Variants in GRM5 observed in about 807,000 individuals in gnomAD.
GRM5 encodes the protein metabotropic glutamate receptor 5.
In GRM5, 19 loss-of-function variants were observed where a neutral mutation model predicts 83.1. That is an observed-to-expected ratio of 0.23 (90% CI 0.16 to 0.34). GRM5 has a LOEUF of 0.34. Among genes scored for constraint, GRM5 ranks in the 10% least tolerant of loss-of-function variants. The probability of loss-of-function intolerance (pLI) is 1.00; values close to 1 mark genes in which losing one functional copy is unlikely to be tolerated. For missense variants in GRM5, 1,160 were observed against 1,588.3 expected (o/e 0.73, Z 4.58); for synonymous variants, 675 against 633.6 (o/e 1.07, Z -0.98).
At chr11:88,767,114 G>A (rs1942638670) in intron 3 of GRM5, among the ~76,000 whole-genome samples, 1 of 151,886 alleles carries the variant, frequency 6.6e-6, no homozygotes, top group Admixed American at 6.6e-5. Flanking sequence ...CTCCCAGTAT[G>A]CTGGGATTAG....
In GRM5 at chr11:88,909,468, CT is replaced by C. The variant is rs386374432; in HGVS notation, c.662-59314del. 9.5e-4 allele frequency among the ~76,000 whole-genome samples: 131 copies of C among 138,412 alleles called. 1 individual carries two copies. Among genetic ancestry groups the C allele is most frequent in the African/African-American group, 2.2e-3 (82 of 37,258 alleles). The allele number at this position is 138,412 out of a possible 152,430, so 90.8% of individuals were successfully genotyped here. ...CCTTTTTTTTCTGAATTTTTGTCTA[CT>C]TTTTTTTTTTTCACTCTGAATCTCA... On this transcript the variant is annotated intron_variant, in intron 2 of 9. Transcript: ENST00000305447.
chr11:88,598,772 A>C (rs900399557), intron 5 of GRM5, among the ~76,000 whole-genome samples: 1 of 152,194 alleles, frequency 6.6e-6, no homozygotes, highest in Non-Finnish European at 1.5e-5. Flanking sequence ...GGATGGGAGA[A>C]AGAGAAATGT....
intron 3 of GRM5, among the ~76,000 whole-genome samples, chr11:88,786,509 A>G (rs1022710967): frequency 1.3e-5 from 2 of 152,094 alleles, no homozygotes; most frequent in African/African-American, 4.8e-5. Context: ...CTTTCAACTC[A>G]TCTCAGCCAA....
intron 2 of GRM5, among the ~76,000 whole-genome samples, chr11:88,951,569 T>C (rs1279486823): frequency 1.3e-5 from 2 of 152,216 alleles, no homozygotes; most frequent in Non-Finnish European, 2.9e-5. Context: ...GACAGTTCAA[T>C]AGAGAAAGAG....
At chr11:88,893,235 C>T (rs762642825) in intron 2 of GRM5, among the ~76,000 whole-genome samples, 4 of 151,716 alleles carry the variant, frequency 2.6e-5, no homozygotes, top group African/African-American at 9.7e-5. Flanking sequence ...ATGTCACACC[C>T]TGGCTATATA....
intron 4 of GRM5, among the ~76,000 whole-genome samples, chr11:88,614,160 C>T (rs1370430900): frequency 1.3e-5 from 2 of 152,088 alleles, no homozygotes; most frequent in African/African-American, 4.8e-5. Flanking sequence ...TTATTTTTCT[C>T]TCTTTTGAAC....
chr11:88,983,952 A>C (rs970026425), intron 2 of GRM5, among the ~76,000 whole-genome samples: 40 of 152,140 alleles, frequency 2.6e-4, no homozygotes, highest in Non-Finnish European at 5.9e-5. Flanking sequence ...AAAAACTTTT[A>C]AAAATATTAA....
chr11:88,902,536 C>T (rs952970184), intron 2 of GRM5, among the ~76,000 whole-genome samples: 2 of 152,066 alleles, frequency 1.3e-5, no homozygotes, highest in Non-Finnish European at 2.9e-5. Context: ...TTTATTGGTG[C>T]TAGACCCATT....
At chr11:88,554,799 T>C (rs1258368847) in intron 8 of GRM5, among the ~76,000 whole-genome samples, 2 of 152,134 alleles carry the variant, frequency 1.3e-5, no homozygotes, top group Non-Finnish European at 2.9e-5. Flanking sequence ...TTTCACATAA[T>C]CTCTGAGACT....
rs143357987 is a variant in GRM5, at chr11:89,047,618, G to T, written c.255C>A (p.Leu85=). The T allele has an allele frequency of 1.9e-6, 3 of 1,614,090 alleles. No individual in the cohort carries two copies. The African/African-American group carries it at 4.0e-5, about 22-fold the overall frequency. Residue 85 remains leucine, a synonymous_variant, in exon 2 of 10, where the codon CTC becomes CTA. Coordinates refer to ENST00000305447, the MANE Select transcript of GRM5 (RefSeq NM_001143831.3). The surrounding 1 kb of genome is among the most constrained non-coding windows in gnomAD (Gnocchi z 5.1). ...CACAGCCCAGTGTGATGTTGGGCAA[G>T]AGTGTGGGGTCTGAATTGATCCTTT... ...TLERINSDPT[L]LPNITLGCEI...
At chr11:89,013,374 T>G (rs1402278943) in intron 2 of GRM5, among the ~76,000 whole-genome samples, 1 of 152,206 alleles carries the variant, frequency 6.6e-6, no homozygotes, top group Non-Finnish European at 1.5e-5. Flanking sequence ...CTTTTTCATT[T>G]TATAGCTTTA....
At chr11:88,848,570 T>TA in intron 3 of GRM5, among the ~76,000 whole-genome samples, 1 of 152,282 alleles carries the variant, frequency 6.6e-6, no homozygotes, top group South Asian at 2.1e-4. Flanking sequence ...TACGTGTTAA[T>TA]AAAAAGATAT....
At chr11:89,044,218 A>G (rs930523922) in intron 2 of GRM5, among the ~76,000 whole-genome samples, 3 of 152,178 alleles carry the variant, frequency 2.0e-5, no homozygotes, top group African/African-American at 4.8e-5. Flanking sequence ...GAGTCATTGC[A>G]TATTCCTTTC....
intron 3 of GRM5, among the ~76,000 whole-genome samples, chr11:88,790,604 T>G (rs1222507941): frequency 6.6e-6 from 1 of 152,104 alleles, no homozygotes; most frequent in African/African-American, 2.4e-5. Flanking sequence ...AGGCTCGATG[T>G]ATGTGACAGA....
intron 2 of GRM5, among the ~76,000 whole-genome samples, chr11:88,945,659 G>A (rs1411145928): frequency 1.3e-5 from 2 of 152,072 alleles, no homozygotes; most frequent in Admixed American, 6.6e-5. Flanking sequence ...TTCAATCAAT[G>A]TTGCTGGATC....
chr11:88,972,070 C>T (rs781273798), intron 2 of GRM5, among the ~76,000 whole-genome samples: 10 of 152,070 alleles, frequency 6.6e-5, no homozygotes, highest in Non-Finnish European at 1.3e-4. Flanking sequence ...CTTAAAGTTC[C>T]CCTTGATCAA....
chr11:88,843,602 A>G (rs537647794), intron 3 of GRM5, among the ~76,000 whole-genome samples: 94 of 152,316 alleles, frequency 6.2e-4, no homozygotes, highest in Non-Finnish European at 8.2e-4. Flanking sequence ...TAGCCCTACA[A>G]TGGCTAAATG....
intron 2 of GRM5, among the ~76,000 whole-genome samples, chr11:88,890,051 G>T (rs1945115551): frequency 6.6e-6 from 1 of 152,084 alleles, no homozygotes; most frequent in South Asian, 2.1e-4. Flanking sequence ...ACACTTTAAG[G>T]GATGGCAAAT....
intron 3 of GRM5, among the ~76,000 whole-genome samples, chr11:88,755,988 T>C (rs141056908): frequency 3.3e-5 from 5 of 152,222 alleles, no homozygotes; most frequent in Admixed American, 3.3e-4. Context: ...CAAACAGAGG[T>C]TGGGACTGAT....
Sources: gnomAD v4.1 joint callset for allele counts (sites outside exome capture counted in the v4.1 genomes callset) on GRCh38, gnomAD v4.1.1 for gene constraint, Gnocchi (gnomAD v3.1) non-coding constraint, MANE v1.5 for transcripts, NCBI Gene and HGNC (gene_info 2026-07-23, HGNC 2026-07-21) for gene names.